Variants in KALRN observed in about 807,000 individuals in gnomAD.
KALRN encodes the protein kalirin.
A neutral mutation model predicts 353.7 loss-of-function variants in KALRN; 70 were observed. The observed-to-expected ratio is 0.20, with a 90% CI of 0.16 to 0.24. The LOEUF is 0.24. Ranked by LOEUF, KALRN falls within the 10% of genes least tolerant of loss-of-function variation. The pLI is 1.00. For synonymous variants in KALRN, 1,391 were observed against 1,434.8 expected, an observed-to-expected ratio of 0.97 and a Z score of 0.69; for missense variants, 2,791 against 3,756.7, an observed-to-expected ratio of 0.74 and a Z score of 6.72.
At chr3:124,106,991 A>G (rs2062376188) in intron 1 of KALRN, among the ~76,000 whole-genome samples, 1 of 152,108 alleles carries the variant, frequency 6.6e-6, no homozygotes, top group Non-Finnish European at 1.5e-5. Context: ...CACTATGAAA[A>G]ATAAGCTGAG....
intron 1 of KALRN, among the ~76,000 whole-genome samples, chr3:124,188,693 C>A (rs1345549999): frequency 6.6e-6 from 1 of 152,142 alleles, no homozygotes; most frequent in Non-Finnish European, 1.5e-5. Context: ...TGTAAAGTGT[C>A]AAGGTCTGAG....
rs1395318707 is a variant in KALRN at position 124,439,200 on chromosome 3, T to TTACACACACACACACACACA, written c.3198+163_3198+164insTACACACACACACACACACA. On this transcript the variant is annotated intron_variant, in intron 18 of 59. Coordinates refer to ENST00000682506, the MANE Select transcript of KALRN (RefSeq NM_001388419.1). ...TCCTTCTTCTCCTTCTCTCTCTCTC[T>TTACACACACACACACACACA]CACACACACACACACACACACACAC... is the stretch of plus-strand genomic sequence containing the variant. 2.5e-3 allele frequency among the ~76,000 whole-genome samples: 249 copies of TTACACACACACACACACACA among 98,928 alleles called. 3 individuals carry two copies. The highest frequency in any genetic ancestry group is 5.7e-3 in the African/African-American group (161 of 28,404). 64.9% of individuals were successfully genotyped at this position (98,928 alleles called of 152,430 possible). A position where few individuals can be genotyped will look rare whatever the true frequency, so the allele number is the denominator to read the frequency against.
intron 1 of KALRN, among the ~76,000 whole-genome samples, chr3:124,170,449 T>C (rs1225601246): frequency 1.3e-5 from 2 of 152,210 alleles, no homozygotes; most frequent in Non-Finnish European, 2.9e-5. Flanking sequence ...GTCACATGGC[T>C]GGTGAATAAG....
intron 34 of KALRN, among the ~76,000 whole-genome samples, chr3:124,627,875 C>T (rs368521322): frequency 1.3e-5 from 2 of 152,218 alleles, no homozygotes; most frequent in East Asian, 3.8e-4. Context: ...CCAAGTTAGT[C>T]GAGCTCCTAA....
chr3:124,584,945 C>G (rs2075000457), intron 34 of KALRN: 2 of 1,565,360 alleles, frequency 1.3e-6, no homozygotes, highest in African/African-American at 2.7e-5. Context: ...TTCTGTTAGC[C>G]AGACTGGTCG....
At chr3:124,372,906 C>CGGTTTCAATGGTAGATTAGT (rs377117366) in intron 10 of KALRN, among the ~76,000 whole-genome samples, 75,847 of 151,776 alleles carry the variant, frequency 0.5, 19,919 homozygotes, top group East Asian at 0.87. Context: ...CTTGGATGAG[C>CGGTTTCAATGGTAGATTAGT]GGTTTCAATG....
intron 1 of KALRN, among the ~76,000 whole-genome samples, chr3:124,082,790 C>T (rs972405044): frequency 6.6e-6 from 1 of 152,236 alleles, no homozygotes; most frequent in Non-Finnish European, 1.5e-5. Context: ...TAGACTGATG[C>T]TTGGGTAAAT....
chr3:124,393,807 C>T (rs892850134), intron 11 of KALRN, among the ~76,000 whole-genome samples: 4 of 152,174 alleles, frequency 2.6e-5, no homozygotes, highest in Non-Finnish European at 5.9e-5. Context: ...TTATTCATGG[C>T]CTCCAAAGCT....
At chr3:124,210,923 G>C (rs1415971867) in intron 1 of KALRN, among the ~76,000 whole-genome samples, 1 of 152,144 alleles carries the variant, frequency 6.6e-6, no homozygotes, top group Non-Finnish European at 1.5e-5. Context: ...TTTTTTTCCT[G>C]TGGGAACTAT....
At chr3:124,274,680 C>G (rs939015813) in intron 5 of KALRN, among the ~76,000 whole-genome samples, 1 of 152,158 alleles carries the variant, frequency 6.6e-6, no homozygotes, top group African/African-American at 2.4e-5. Context: ...AAGACAATAT[C>G]CTTATCACCC....
At chr3:124,142,597 TACAGTATTCTGCC>T (rs1252624956) in intron 1 of KALRN, among the ~76,000 whole-genome samples, 1 of 152,170 alleles carries the variant, frequency 6.6e-6, no homozygotes, top group Admixed American at 6.5e-5. Flanking sequence ...GGGCTGTCCC[TACAGTATTCTGCC>T]TAGCTCTGGA....
At chr3:124,108,740 C>A (rs1488814863) in intron 1 of KALRN, among the ~76,000 whole-genome samples, 1 of 152,102 alleles carries the variant, frequency 6.6e-6, no homozygotes, top group East Asian at 1.9e-4. Flanking sequence ...GTAGTATGAG[C>A]AAATATTAAT....
At chr3:124,285,392 G>A (rs573043072) in intron 5 of KALRN, among the ~76,000 whole-genome samples, 2 of 152,174 alleles carry the variant, frequency 1.3e-5, no homozygotes, top group African/African-American at 4.8e-5. Flanking sequence ...ATTAAATTTA[G>A]TGGGTATAGT....
chr3:124,543,006 C>A (rs1445626729), intron 33 of KALRN, among the ~76,000 whole-genome samples: 1 of 152,076 alleles, frequency 6.6e-6, no homozygotes, highest in Non-Finnish European at 1.5e-5. Flanking sequence ...CAAGGTGGCT[C>A]CCTCACATGG....
intron 3 of KALRN, among the ~76,000 whole-genome samples, chr3:124,255,896 T>A (rs747873091): frequency 6.6e-6 from 1 of 152,190 alleles, no homozygotes; most frequent in Non-Finnish European, 1.5e-5. Context: ...AAACTGAATA[T>A]AAAATTGAAA....
In KALRN at chr3:124,721,682, G is replaced by A. The variant is rs774930871; in HGVS notation, c.*2212G>A. 1 of 152,218 alleles carries A rather than the reference G, an allele frequency of 6.6e-6. No individual in the cohort carries two copies. Among genetic ancestry groups the A allele is most frequent in the Non-Finnish European group, 1.5e-5 (1 of 68,054 alleles). 9.4% of individuals were successfully genotyped at this position (152,218 alleles called of 1,614,324 possible). On this transcript the variant is annotated 3_prime_UTR_variant, in exon 60 of 60. Coordinates refer to ENST00000682506, the MANE Select transcript of KALRN (RefSeq NM_001388419.1). ...CATAAAAGAGGAAAGCCTGAGCCGG[G>A]CGCGGCGGCTCACGCCTGTGATCCC... is the stretch of plus-strand genomic sequence containing the variant.
rs2075845455 is a variant in KALRN at position 124,286,110 on chromosome 3, T to TCTTTCTTTC, written c.970-12680_970-12672dup. On this transcript the variant is annotated intron_variant, in intron 5 of 59. Coordinates refer to ENST00000682506, the MANE Select transcript of KALRN (RefSeq NM_001388419.1). ...TTCTTTCTTTCTTTCTTTCTTTCTT[T>TCTTTCTTTC]CTTTCTTTCTTTCTTTCTTTCTTTC... Among the ~76,000 whole-genome samples the TCTTTCTTTC allele has an allele frequency of 6.1e-5, 9 of 147,520 alleles. No homozygotes were observed. The South Asian group carries it at 8.7e-4, about 14-fold the overall frequency.
intron 34 of KALRN, among the ~76,000 whole-genome samples, chr3:124,573,650 C>A (rs371095625): frequency 1.3e-5 from 2 of 152,148 alleles, no homozygotes; most frequent in Non-Finnish European, 2.9e-5. Context: ...ACTACAAGTG[C>A]GAGCCATTGT....
At chr3:124,695,985 C>A in intron 53 of KALRN, 149 bp from the exon 54 acceptor site, 1 of 676,302 alleles carries the variant, frequency 1.5e-6, no homozygotes, top group Non-Finnish European at 2.5e-6. Flanking sequence ...TGTAGAGAAA[C>A]AGGGTGGTAG....
Sources: gnomAD v4.1 joint callset for allele counts (sites outside exome capture counted in the v4.1 genomes callset) on GRCh38, gnomAD v4.1.1 for gene constraint, MANE v1.5 for transcripts, NCBI Gene and HGNC (gene_info 2026-07-23, HGNC 2026-07-21) for gene names.